The following ATRX variants were observed in gnomAD, a reference collection of about 807,000 sequenced individuals.
ATRX encodes chromatin remodeler ATRX.
A neutral mutation model predicts 172.6 loss-of-function variants in ATRX; 12 were observed. The observed-to-expected ratio is 0.07, with a 90% confidence interval of 0.04 to 0.11. The LOEUF is 0.11. ATRX is among the 10% of genes least tolerant of loss of function. The pLI is 1.00. For missense variants in ATRX, 1,368 were observed against 1,767.4 expected (o/e 0.77, Z 4.05); for synonymous variants, 674 against 594.7 (o/e 1.13, Z -1.94).
chrX:77,536,299 A>G (rs2063748165), intron 30 of ATRX, among the ~76,000 whole-genome samples: 1 of 112,025 alleles, frequency 8.9e-6, no homozygotes, highest in African/African-American at 3.2e-5. Flanking sequence ...GCCATCTAGT[A>G]ATTCTTACAC....
chrX:77,684,202 T>C lies in ATRX; in HGVS notation c.1054A>G (p.Met352Val), dbSNP rs2148631496. The change falls in exon 9 of 35, where the codon ATG becomes GTG. Residue 352 changes from methionine to valine, a missense_variant. Physicochemically the swap from Met to Val is conservative, Grantham distance 21 (BLOSUM62 1). Around this residue, in one of 17 missense-constraint regions of ATRX, gnomAD observed 843 missense variants for 643.1 expected, o/e 1.31. Coordinates refer to ENST00000373344, the MANE Select transcript of ATRX (RefSeq NM_000489.6). ...ATCAGTTTTTTTGCCTTCTTAATCA[T>C]CTCTTTGGGCACAATTAGTGCGGAA... ...SYSALIVPKEMIKKAKKLIET... is the reference protein window; with the variant it reads ...SYSALIVPKEVIKKAKKLIET... 1 of 1,210,950 alleles carries C rather than the reference T, an allele frequency of 8.3e-7. No homozygotes were observed.
chrX:77,718,000 G>C (rs1377169127), intron 1 of ATRX, among the ~76,000 whole-genome samples: 3 of 111,023 alleles, frequency 2.7e-5, no homozygotes, highest in Admixed American at 1.9e-4. Flanking sequence ...ATTATCATTA[G>C]GCACCTAAGT....
At chrX:77,739,117 G>C (rs182096058) in intron 1 of ATRX, among the ~76,000 whole-genome samples, 1 of 110,543 alleles carries the variant, frequency 9.0e-6, no homozygotes, top group African/African-American at 3.3e-5. Context: ...CCAATTTGTA[G>C]TCTTTTATCC....
At chrX:77,594,012 G>A in intron 25 of ATRX, 163 bp from the exon 26 acceptor site, 1 of 453,730 alleles carries the variant, frequency 2.2e-6, no homozygotes, top group Non-Finnish European at 3.8e-6. Flanking sequence ...CGCACATACA[G>A]CACAGAAGGA....
intron 1 of ATRX, among the ~76,000 whole-genome samples, chrX:77,718,934 T>A (rs1323290061): frequency 1.8e-5 from 2 of 110,529 alleles, no homozygotes; most frequent in African/African-American, 6.6e-5. Flanking sequence ...GTTGAGGAAG[T>A]GCAGCACACA....
chrX:77,667,079 T>A (rs1385957943), intron 10 of ATRX, among the ~76,000 whole-genome samples: 3 of 103,512 alleles, frequency 2.9e-5, no homozygotes, highest in South Asian at 4.1e-4. Context: ...TAGTTCTATT[T>A]AAAAAAAAAA....
chrX:77,700,008 T>A (rs1204205489), intron 2 of ATRX, among the ~76,000 whole-genome samples: 1 of 111,648 alleles, frequency 9.0e-6, no homozygotes, highest in Non-Finnish European at 1.9e-5. Context: ...TGAATATAGA[T>A]GCAAAAGTCC....
chrX:77,543,735 G>T (rs781943659), intron 30 of ATRX, among the ~76,000 whole-genome samples: 10 of 109,843 alleles, frequency 9.1e-5, no homozygotes, highest in African/African-American at 3.0e-4. Flanking sequence ...ACATGTTCTC[G>T]CTCATAAGCG....
chrX:77,515,974 A>G (rs1334234394), intron 34 of ATRX, among the ~76,000 whole-genome samples: 3 of 111,975 alleles, frequency 2.7e-5, no homozygotes, highest in African/African-American at 6.5e-5. Context: ...TAATGCAGGA[A>G]CAGGAAACCA....
chrX:77,677,740 T>C (rs1221784808), intron 9 of ATRX, among the ~76,000 whole-genome samples: 5 of 110,025 alleles, frequency 4.5e-5, no homozygotes, highest in African/African-American at 1.7e-4. Flanking sequence ...AAAAAAAAGA[T>C]ATACTGATGG....
At chrX:77,589,514 G>C (rs782286640) in intron 27 of ATRX, among the ~76,000 whole-genome samples, 3 of 111,579 alleles carry the variant, frequency 2.7e-5, no homozygotes, top group African/African-American at 9.8e-5. Context: ...TTTTTCTTAA[G>C]TTGATATTAG....
intron 2 of ATRX, chrX:77,698,882 G>C (rs2072339018): frequency 2.5e-6 from 1 of 400,338 alleles, no homozygotes; most frequent in Non-Finnish European, 4.5e-6. Flanking sequence ...TCCTGTTGTA[G>C]TTTATAAATA....
At chrX:77,665,928 T>G (rs2070211943) in intron 10 of ATRX, among the ~76,000 whole-genome samples, 1 of 111,739 alleles carries the variant, frequency 8.9e-6, no homozygotes, top group African/African-American at 3.2e-5. Flanking sequence ...GAAACCCCTC[T>G]TTACACTTCT....
intron 20 of ATRX, among the ~76,000 whole-genome samples, chrX:77,619,328 G>A (rs1266974231): frequency 9.0e-6 from 1 of 111,010 alleles, no homozygotes; most frequent in African/African-American, 3.3e-5. Flanking sequence ...GGTCAGTGAG[G>A]CTATCTTGTG....
intron 1 of ATRX, among the ~76,000 whole-genome samples, chrX:77,748,933 G>A (rs1336079740): frequency 9.0e-6 from 1 of 111,253 alleles, no homozygotes; most frequent in African/African-American, 3.3e-5. Flanking sequence ...TATTCCCTAT[G>A]ACAGGCTATT....
intron 1 of ATRX, among the ~76,000 whole-genome samples, chrX:77,763,494 T>A (rs1191730230): frequency 1.6e-4 from 14 of 89,209 alleles, no homozygotes; most frequent in South Asian, 5.2e-4. Context: ...AAAAAAAAAA[T>A]GAGTCTTGCT....
At chrX:77,784,772 A>G (rs1193497756) in intron 1 of ATRX, among the ~76,000 whole-genome samples, 5 of 112,136 alleles carry the variant, frequency 4.5e-5, no homozygotes, top group African/African-American at 1.6e-4. Flanking sequence ...AGACATACGT[A>G]TCATAGGCTC....
At chrX:77,612,657 T>C (rs2067206650) in intron 22 of ATRX, among the ~76,000 whole-genome samples, 1 of 111,977 alleles carries the variant, frequency 8.9e-6, no homozygotes, top group Non-Finnish European at 1.9e-5. Flanking sequence ...GCATTAAGTA[T>C]AATCACAATG....
chrX:77,704,046 G>A (rs1011048393), intron 2 of ATRX, among the ~76,000 whole-genome samples: 1 of 111,292 alleles, frequency 9.0e-6, no homozygotes, highest in Non-Finnish European at 1.9e-5. Flanking sequence ...GCTCTCAGGA[G>A]AGAGGAGGCC....
Sources: gnomAD v4.1 joint callset for allele counts (sites outside exome capture counted in the v4.1 genomes callset) on GRCh38, gnomAD v4.1.1 for gene constraint, gnomAD v4.1.1 regional missense constraint, MANE v1.5 for transcripts, NCBI Gene and HGNC (gene_info 2026-07-23, HGNC 2026-07-21) for gene names.